CDK5RAP1: variants seen among roughly 807,000 people sequenced by gnomAD.
CDK5RAP1 encodes CDK5RAP1 mitochondrial tRNA methylthiotransferase, also known as mitochondrial tRNA methylthiotransferase CDK5RAP1.
In CDK5RAP1, 62 loss-of-function variants were observed where a neutral mutation model predicts 64.5. The ratio of observed to expected loss-of-function variants is 0.96; its 90% confidence interval spans 0.78 to 1.19. The LOEUF (loss-of-function observed/expected upper bound fraction) is 1.19. Ranked by LOEUF, CDK5RAP1 falls within the 50% of genes most tolerant of loss-of-function variation. The pLI is 0.00. For missense variants in CDK5RAP1, 657 were observed against 735.0 expected (o/e 0.89, Z 1.23); for synonymous variants, 250 against 261.9 (o/e 0.95, Z 0.44).
chr20:33,379,471 A>G lies in CDK5RAP1; in HGVS notation c.1097T>C (p.Phe366Ser). The change falls in exon 8 of 14, where the codon TTT (phenylalanine) becomes TCT (serine). Residue 366 changes from phenylalanine to serine, a missense_variant. Transcript: ENST00000346416. ...TAACCTGACGCTCACCTCATCAGGA[A>G]AATCCTTGGGGTGGGGAGAGGTAAA... ...IRFTSPHPKD[F>S]PDEVLQLIHE... 6.2e-7 allele frequency: 1 copy of G among 1,611,730 alleles called. No individual in the cohort carries two copies. Among genetic ancestry groups the G allele is most frequent in the Non-Finnish European group, 8.5e-7 (1 of 1,177,892 alleles).
chr20:33,389,399 T>A (rs1306267722), intron 5 of CDK5RAP1, among the ~76,000 whole-genome samples: 2 of 149,478 alleles, frequency 1.3e-5, no homozygotes, highest in Non-Finnish European at 3.0e-5. Flanking sequence ...AGCCGCCCCG[T>A]CTGAGAAGTG....
chr20:33,369,983 TC>T (rs1300294419), intron 11 of CDK5RAP1, among the ~76,000 whole-genome samples: 2 of 152,154 alleles, frequency 1.3e-5, no homozygotes, highest in African/African-American at 2.4e-5. Flanking sequence ...ACTATCCTTC[TC>T]TTCAGGAAAA....
chr20:33,389,456 G>T (rs1440728778), intron 5 of CDK5RAP1, among the ~76,000 whole-genome samples: 1 of 151,732 alleles, frequency 6.6e-6, no homozygotes, highest in African/African-American at 2.4e-5. Flanking sequence ...AGTGAGGAGC[G>T]TCTCCGCCCA....
intron 12 of CDK5RAP1, among the ~76,000 whole-genome samples, chr20:33,361,848 C>G (rs918258994): frequency 6.7e-6 from 1 of 148,422 alleles, no homozygotes; most frequent in African/African-American, 2.5e-5. Flanking sequence ...CCCAGTGACT[C>G]GGGAGACTGA....
At chr20:33,388,440 G>A (rs1987741181) in intron 5 of CDK5RAP1, among the ~76,000 whole-genome samples, 1 of 151,948 alleles carries the variant, frequency 6.6e-6, no homozygotes, top group African/African-American at 2.4e-5. Context: ...AGCAACCCAA[G>A]TGTCTATTAA....
chr20:33,387,355 G>T lies in CDK5RAP1; in HGVS notation c.723C>A (p.Val241=), dbSNP rs753298516. The T allele has an allele frequency of 6.2e-7, 1 of 1,614,056 alleles. No individual in the cohort carries two copies. The highest frequency in any genetic ancestry group is 8.5e-7 in the Non-Finnish European group (1 of 1,179,996). ...LDETYADVMP[V]QTSASATSAF... Reference sequence around the variant, plus strand: ...CAGACGTGGCACTGGCGCTTGTCTGGACTGGCATGACATCAGCATAGGTCT... The same window carrying T: ...CAGACGTGGCACTGGCGCTTGTCTGTACTGGCATGACATCAGCATAGGTCT... The change falls in exon 6 of 14, where the codon GTC becomes GTA. Residue 241 remains valine, a synonymous_variant. Transcript: ENST00000346416.
At position 33,397,051 on chromosome 20, in the gene CDK5RAP1, T is replaced by G. The variant is rs371637693; in HGVS notation, c.14A>C (p.Gln5Pro). Residue 5 changes from glutamine to proline, a missense_variant, in exon 2 of 14, where the codon CAG becomes CCG. By Grantham distance (76) the Gln-to-Pro change is moderately conservative. Transcript: ENST00000346416. ...AGACCTCTGCACTTGGAGGACACAC[T>G]GTAAAGGGTGCATGGCACTAAACAG... MHPL[Q>P]CVLQVQRSLG... is the part of the protein sequence containing the mutation. 9 of 1,609,944 alleles carry G rather than the reference T, an allele frequency of 5.6e-6. No individual in the cohort carries two copies. Among genetic ancestry groups the G allele is most frequent in the Non-Finnish European group, 4.2e-6 (5 of 1,178,068 alleles).
At chr20:33,377,969 G>A (rs532233791) in intron 8 of CDK5RAP1, among the ~76,000 whole-genome samples, 6 of 152,246 alleles carry the variant, frequency 3.9e-5, no homozygotes, top group East Asian at 1.9e-4. Flanking sequence ...CATCACACCC[G>A]GCCAAAGAGG....
chr20:33,387,452 C>CGGTAG lies in CDK5RAP1; in HGVS notation c.621_625dup (p.Arg209ProfsTer77), dbSNP rs771475243. Reference sequence around the variant, plus strand: ...AACAGCCAGCAGCCGGGGAAGGTCCCGGTAGGCATCAGGACCAGCCAAAAT... The same window carrying CGGTAG: ...AACAGCCAGCAGCCGGGGAAGGTCCCGGTAGGGTAGGCATCAGGACCAGCCAAAAT... On this transcript the variant is annotated frameshift_variant, in exon 6 of 14. Coordinates refer to ENST00000346416, the MANE Select transcript of CDK5RAP1 (RefSeq NM_016408.4). LOFTEE classifies it high-confidence loss of function. 1.2e-6 allele frequency: 2 copies of CGGTAG among 1,614,006 alleles called. No homozygotes were observed. Among genetic ancestry groups the CGGTAG allele is most frequent in the Non-Finnish European group, 1.7e-6 (2 of 1,179,968 alleles).
chr20:33,372,267 T>C (rs1397551635), intron 10 of CDK5RAP1, among the ~76,000 whole-genome samples: 3 of 102,500 alleles, frequency 2.9e-5, no homozygotes, highest in East Asian at 4.6e-4. Context: ...AATAGTAAGT[T>C]CTTATTTCTA....
At chr20:33,372,800 A>C in intron 9 of CDK5RAP1, 103 bp from the exon 10 acceptor site, 7 of 764,466 alleles carry the variant, frequency 9.2e-6, no homozygotes, top group African/African-American at 1.8e-5. Flanking sequence ...ATCACTTCTC[A>C]TCCACATGGC....
At chr20:33,393,933 G>A in intron 4 of CDK5RAP1, 99 bp downstream of exon 4, 1 of 841,154 alleles carries the variant, frequency 1.2e-6, no homozygotes, top group Non-Finnish European at 2.1e-6. Flanking sequence ...CTGCCATGGG[G>A]CCACTGGCTC....
At chr20:33,361,893 T>C (rs1243792810) in intron 12 of CDK5RAP1, among the ~76,000 whole-genome samples, 2 of 146,408 alleles carry the variant, frequency 1.4e-5, no homozygotes, top group Non-Finnish European at 3.0e-5. Context: ...GAGGCAGAGG[T>C]TGCAGTGAGC....
chr20:33,380,224 A>G (rs1361327518), intron 7 of CDK5RAP1, among the ~76,000 whole-genome samples: 2 of 152,188 alleles, frequency 1.3e-5, no homozygotes, highest in Admixed American at 1.3e-4. Context: ...GAGCTGTTTT[A>G]GATTTTTTTC....
At chr20:33,398,797 A>T (rs927155145) in intron 1 of CDK5RAP1, among the ~76,000 whole-genome samples, 1 of 152,104 alleles carries the variant, frequency 6.6e-6, no homozygotes, top group African/African-American at 2.4e-5. Context: ...ACAGTGATGC[A>T]CACCTGTAGT....
At chr20:33,367,356 C>A (rs1229774256) in intron 11 of CDK5RAP1, among the ~76,000 whole-genome samples, 1 of 152,194 alleles carries the variant, frequency 6.6e-6, no homozygotes, top group African/African-American at 2.4e-5. Flanking sequence ...AGATGCAATG[C>A]AGCCTAAATA....
chr20:33,367,671 T>A (rs1984239835), intron 11 of CDK5RAP1, among the ~76,000 whole-genome samples: 2 of 152,246 alleles, frequency 1.3e-5, no homozygotes, highest in African/African-American at 2.4e-5. Context: ...ACCACTCATG[T>A]ACAGCACTTA....
At chr20:33,380,987 G>A (rs1020582567) in intron 7 of CDK5RAP1, among the ~76,000 whole-genome samples, 4 of 152,132 alleles carry the variant, frequency 2.6e-5, no homozygotes, top group East Asian at 1.9e-4. Flanking sequence ...GCAACAGAGC[G>A]AGACTCCATC....
intron 2 of CDK5RAP1, 49 bp from the exon 3 acceptor site, chr20:33,395,165 T>C: frequency 9.3e-7 from 1 of 1,075,224 alleles, no homozygotes; most frequent in Non-Finnish European, 1.4e-6. Context: ...CAACAAGGGG[T>C]CTCGTGTCTC....
Sources: allele counts gnomAD v4.1 joint callset (sites outside exome capture counted in the v4.1 genomes callset), GRCh38; gene constraint gnomAD v4.1.1; transcripts MANE v1.5; gene names NCBI Gene and HGNC (gene_info 2026-07-23, HGNC 2026-07-21).